Variants in TMLHE observed in about 807,000 individuals in gnomAD.
The protein encoded by TMLHE is trimethyllysine hydroxylase, epsilon, also known as trimethyllysine dioxygenase, mitochondrial.
Under a neutral mutation model 25.7 loss-of-function variants are expected in TMLHE, and 18 were observed. The observed-to-expected ratio is 0.70, with a 90% CI of 0.48 to 1.04. The LOEUF (loss-of-function observed/expected upper bound fraction) is 1.04, where lower values mean the gene tolerates loss of function less well. TMLHE is among the 50% of genes least tolerant of loss of function. The probability of loss-of-function intolerance (pLI) is 0.00; values close to 1 mark genes in which losing one functional copy is unlikely to be tolerated. For missense variants in TMLHE, 236 were observed against 259.0 expected, an observed-to-expected ratio of 0.91 and a Z score of 0.61; for synonymous variants, 105 against 97.0, an observed-to-expected ratio of 1.08 and a Z score of -0.49.
intron 2 of TMLHE, among the ~76,000 whole-genome samples, chrX:155,525,119 T>C: frequency 9.0e-6 from 1 of 111,165 alleles, no homozygotes; most frequent in East Asian, 2.8e-4. Context: ...ATATATGAGG[T>C]GATATGGTTT....
intron 2 of TMLHE, among the ~76,000 whole-genome samples, chrX:155,538,553 G>C (rs2067293246): frequency 9.0e-6 from 1 of 111,030 alleles, no homozygotes; most frequent in Non-Finnish European, 1.9e-5. Flanking sequence ...TCCTCAAACT[G>C]CCAACACCTC....
intron 2 of TMLHE, among the ~76,000 whole-genome samples, chrX:155,543,962 T>C (rs1288042345): frequency 5.3e-5 from 6 of 112,267 alleles, no homozygotes; most frequent in African/African-American, 1.9e-4. Context: ...TCTTCTCTCT[T>C]GGCCTTGGCC....
intron 1 of TMLHE, among the ~76,000 whole-genome samples, chrX:155,550,501 T>C (rs782640197): frequency 5.0e-4 from 56 of 111,412 alleles, no homozygotes; most frequent in African/African-American, 1.8e-3. Flanking sequence ...AGAATATCAA[T>C]TCCTGGAGTA....
chrX:155,540,036 G>A (rs1280007529), intron 2 of TMLHE, among the ~76,000 whole-genome samples: 1 of 108,307 alleles, frequency 9.2e-6, no homozygotes, highest in Non-Finnish European at 1.9e-5. Flanking sequence ...AATGAGGAGA[G>A]CCTAAGGGAT....
intron 2 of TMLHE, among the ~76,000 whole-genome samples, chrX:155,532,727 G>A (rs73577039): frequency 1.3e-3 from 134 of 104,457 alleles, no homozygotes; most frequent in African/African-American, 4.6e-3. Context: ...TTTCTATGGG[G>A]TCTATAACCT....
At chrX:155,557,006 T>A (rs2124439974) in intron 1 of TMLHE, among the ~76,000 whole-genome samples, 1 of 112,499 alleles carries the variant, frequency 8.9e-6, no homozygotes, top group South Asian at 3.6e-4. Context: ...GAGTTTAAGG[T>A]TATCTCTCTT....
At chrX:155,591,156 C>T (rs958316649) in intron 1 of TMLHE, among the ~76,000 whole-genome samples, 2 of 111,204 alleles carry the variant, frequency 1.8e-5, no homozygotes, top group Admixed American at 9.6e-5. Context: ...ATGATACATG[C>T]ATCTAACAAA....
intron 1 of TMLHE, among the ~76,000 whole-genome samples, chrX:155,592,633 G>T (rs782030963): frequency 3.6e-5 from 4 of 111,969 alleles, no homozygotes; most frequent in Non-Finnish European, 5.6e-5. Flanking sequence ...TCCCCAGGAA[G>T]CCCACTCTAG....
At chrX:155,607,522 T>C (rs1041883064) in intron 1 of TMLHE, among the ~76,000 whole-genome samples, 2 of 110,887 alleles carry the variant, frequency 1.8e-5, no homozygotes, top group African/African-American at 3.3e-5. Flanking sequence ...AAGACAAGGA[T>C]GCCCACTCTC....
intron 1 of TMLHE, among the ~76,000 whole-genome samples, chrX:155,557,974 A>G (rs1432617899): frequency 9.0e-6 from 1 of 111,683 alleles, no homozygotes; most frequent in Non-Finnish European, 1.9e-5. Flanking sequence ...CTTCTAATTG[A>G]CCTATCCACT....
chrX:155,547,898 A>G (rs895539376), intron 1 of TMLHE, among the ~76,000 whole-genome samples: 3 of 110,966 alleles, frequency 2.7e-5, no homozygotes, highest in Non-Finnish European at 5.7e-5. Context: ...CACACCTGCT[A>G]TAGACACATA....
intron 1 of TMLHE, among the ~76,000 whole-genome samples, chrX:155,591,177 T>C (rs1356691669): frequency 1.8e-5 from 2 of 110,999 alleles, no homozygotes; most frequent in East Asian, 2.8e-4. Flanking sequence ...TAGAGCCCCA[T>C]GGTACATGAA....
chrX:155,546,203 T>C (rs920988085), intron 1 of TMLHE, among the ~76,000 whole-genome samples: 11 of 111,758 alleles, frequency 9.8e-5, no homozygotes, highest in African/African-American at 3.6e-4. Context: ...GCCCTACATA[T>C]GTATCACTGC....
At chrX:155,510,381 C>T (rs1373169291) in intron 5 of TMLHE, among the ~76,000 whole-genome samples, 3 of 94,250 alleles carry the variant, frequency 3.2e-5, no homozygotes, top group African/African-American at 7.6e-5. Context: ...GTATATCTCC[C>T]GATGCTATCC....
rs781941475 is a variant in TMLHE, at chrX:155,560,572, AAAGGAGGAGTTAGTCAT to A, written c.-1-15312_-1-15296del. On this transcript the variant is annotated intron_variant, in intron 1 of 7. Coordinates refer to ENST00000334398, the MANE Select transcript of TMLHE (RefSeq NM_018196.4). Reference sequence around the variant, plus strand: ...TCATTAAGAAAGATGACATTTGATCAAAGGAGGAGTTAGTCATAAGGATATCTGGGGTAAAGTAGACT... The same window carrying A: ...TCATTAAGAAAGATGACATTTGATCAAAGGATATCTGGGGTAAAGTAGACT... Among the ~76,000 whole-genome samples the A allele has an allele frequency of 8.1e-3, 304 of 37,352 alleles. 32 individuals carry two copies. The highest frequency in any genetic ancestry group is 0.012 in the African/African-American group (285 of 23,029). 32.4% of individuals were successfully genotyped at this position (37,352 alleles called of 115,157 possible).
chrX:155,505,281 T>C (rs2067069913), intron 6 of TMLHE, among the ~76,000 whole-genome samples: 5 of 111,682 alleles, frequency 4.5e-5, no homozygotes, highest in African/African-American at 1.6e-4. Flanking sequence ...GAAATGTTCA[T>C]AATAAAATGT....
Position 155,507,027 on chromosome X carries a change from A to C in TMLHE, c.866T>G (p.Phe289Cys). 8.3e-7 allele frequency: 1 copy of C among 1,209,900 alleles called. No individual in the cohort carries two copies. The change falls in exon 6 of 8, where the codon TTT becomes TGT. Residue 289 changes from phenylalanine (F) to cysteine (C), a missense_variant. Around this residue, in one of 2 missense-constraint regions of TMLHE, gnomAD observed 217 missense variants for 214.6 expected, o/e 1.01. Transcript: ENST00000334398. ...EQVLQKAPEE[F>C]ELLSKVPLKH... is the part of the protein sequence containing the mutation. ...CAATGGCACTTTACTGAGGAGTTCA[A>C]ATTCCTCAGGTGCCTTTTGAAGTAC... is the stretch of plus-strand genomic sequence containing the variant.
At position 155,526,988 on chromosome X, in the gene TMLHE, C is replaced by T. The variant is rs186432967; in HGVS notation, c.182-2356G>A. 1.3e-3 allele frequency among the ~76,000 whole-genome samples: 146 copies of T among 112,546 alleles called. 1 individual carries two copies. The highest frequency in any genetic ancestry group is 4.4e-3 in the African/African-American group (136 of 31,012). On this transcript the variant is annotated intron_variant, in intron 2 of 7. Coordinates refer to ENST00000334398, the MANE Select transcript of TMLHE (RefSeq NM_018196.4). ...AAGCTCATAGGTGGAAGAGACTTGC[C>T]TTGTCTCAGATGAGACTTTGGACTT...
intron 1 of TMLHE, among the ~76,000 whole-genome samples, chrX:155,554,297 A>C (rs2067434062): frequency 9.0e-6 from 1 of 111,135 alleles, no homozygotes; most frequent in Non-Finnish European, 1.9e-5. Flanking sequence ...TTCTGCCTGA[A>C]GATCCTTAAT....
Sources: allele counts gnomAD v4.1 joint callset (sites outside exome capture counted in the v4.1 genomes callset), GRCh38; gene constraint gnomAD v4.1.1; regional missense constraint gnomAD v4.1.1; transcripts MANE v1.5; gene names NCBI Gene and HGNC (gene_info 2026-07-23, HGNC 2026-07-21).